The following MRPS25 variants were observed in gnomAD, a reference collection of about 807,000 sequenced individuals.
The protein encoded by MRPS25 is mitochondrial ribosomal protein S25, also known as small ribosomal subunit protein mS25.
In MRPS25, 15 loss-of-function variants were observed where a neutral mutation model predicts 17.3. That is an observed-to-expected ratio of 0.87 (90% CI 0.58 to 1.34). The LOEUF (loss-of-function observed/expected upper bound fraction) is 1.34, where lower values mean the gene tolerates loss of function less well. Ranked by LOEUF, MRPS25 falls within the 40% of genes most tolerant of loss-of-function variation. MRPS25 has a pLI of 0.00. For missense variants in MRPS25, 225 were observed against 218.6 expected (o/e 1.03, Z -0.19); for synonymous variants, 94 against 83.3 (o/e 1.13, Z -0.70).
rs2042558982 is a variant in MRPS25 at position 15,049,132 on chromosome 3, T to G, written c.*3309A>C. 2 of 152,614 alleles carry G rather than the reference T, an allele frequency of 1.3e-5. No homozygotes were observed. Among genetic ancestry groups the G allele is most frequent in the South Asian group, 4.1e-4 (2 of 4,830 alleles). 9.5% of individuals were successfully genotyped at this position (152,614 alleles called of 1,614,324 possible). ...CAGTCTTGAAGAAGAATTTGCATTG[T>G]TGTGTTTGTATATAGAGTATTGCAG... On this transcript the variant is annotated 3_prime_UTR_variant, in exon 4 of 4. Transcript: ENST00000253686.
At chr3:15,062,001 G>A (rs889026348) in intron 1 of MRPS25, among the ~76,000 whole-genome samples, 2 of 150,314 alleles carry the variant, frequency 1.3e-5, no homozygotes, top group African/African-American at 4.9e-5. Context: ...TCTGGGAAGT[G>A]AGGAGCGTCT....
At chr3:15,062,057 C>T (rs2042773053) in intron 1 of MRPS25, among the ~76,000 whole-genome samples, 1 of 149,268 alleles carries the variant, frequency 6.7e-6, no homozygotes, top group African/African-American at 2.5e-5. Context: ...GGGTCAGCCC[C>T]CGCCAGGCCA....
intron 1 of MRPS25, among the ~76,000 whole-genome samples, chr3:15,060,967 G>C (rs372431739): frequency 2.0e-4 from 30 of 152,238 alleles, no homozygotes; most frequent in African/African-American, 5.8e-4. Flanking sequence ...ACAGCACACA[G>C]ACCTGGGAGC....
rs1485844590 is a variant in MRPS25 at position 15,049,902 on chromosome 3, T to C, written c.*2539A>G. 2.6e-6 allele frequency: 4 copies of C among 1,531,202 alleles called. No individual in the cohort carries two copies. The highest frequency in any genetic ancestry group is 2.6e-6 in the Non-Finnish European group (3 of 1,144,220). The allele number at this position is 1,531,202 out of a possible 1,614,324, so 94.9% of individuals were successfully genotyped here. ...CCTGAGTAACTGGGACCACAGCAGA[T>C]GATACAGGTTTAGATGGTGCTGCCA... is the stretch of plus-strand genomic sequence containing the variant. On this transcript the variant is annotated 3_prime_UTR_variant, in exon 4 of 4. Transcript: ENST00000253686.
chr3:15,050,027 C>A lies in MRPS25; in HGVS notation c.*2414G>T. The A allele has an allele frequency of 6.9e-7, 1 of 1,458,864 alleles. No individual in the cohort carries two copies. The highest frequency in any genetic ancestry group is 8.9e-7 in the Non-Finnish European group (1 of 1,120,336). The allele number at this position is 1,458,864 out of a possible 1,614,324, so 90.4% of individuals were successfully genotyped here. A position where few individuals can be genotyped will look rare whatever the true frequency, so the allele number is the denominator to read the frequency against. ...AGAACATGTTATCAATTATAAAATC[C>A]TCACATTTTCTCTAATTAATTTTCT... is the stretch of plus-strand genomic sequence containing the variant. On this transcript the variant is annotated 3_prime_UTR_variant, in exon 4 of 4. Transcript: ENST00000253686.
At chr3:15,045,877 GCTGGCTCAGAGAGGTGGGAC>G (rs2042432297), downstream of MRPS25, 2 of 152,266 alleles carry the variant, frequency 1.3e-5, no homozygotes, top group Admixed American at 1.3e-4. Flanking sequence ...AGGAGAGGCA[GCTGGCTCAGAGAGGTGGGAC>G]AGACACATGC....
intron 2 of MRPS25, among the ~76,000 whole-genome samples, 173 bp downstream of exon 2, chr3:15,059,196 C>G (rs1490576497): frequency 6.6e-6 from 1 of 151,824 alleles, no homozygotes; most frequent in Non-Finnish European, 1.5e-5. Context: ...GGAAAGAGTC[C>G]AGACCTCAGT....
chr3:15,044,685 CCT>C (rs1264860339), downstream of MRPS25: 3 of 152,238 alleles, frequency 2.0e-5, no homozygotes, highest in Admixed American at 6.5e-5. Context: ...TGGACACTCC[CCT>C]GACTCACAGG....
At chr3:15,060,819 T>G (rs192929497) in intron 1 of MRPS25, among the ~76,000 whole-genome samples, 1 of 152,240 alleles carries the variant, frequency 6.6e-6, no homozygotes, top group Non-Finnish European at 1.5e-5. Flanking sequence ...AGGCAGAGCT[T>G]GCAGTGAGCC....
chr3:15,064,842 C>T (rs2042831835), intron 1 of MRPS25, among the ~76,000 whole-genome samples: 1 of 152,188 alleles, frequency 6.6e-6, no homozygotes, highest in African/African-American at 2.4e-5. Flanking sequence ...GGGTTCTTGT[C>T]CTCCGCCCCC....
chr3:15,063,491 G>A (rs934813987), intron 1 of MRPS25, among the ~76,000 whole-genome samples: 2 of 152,094 alleles, frequency 1.3e-5, no homozygotes, highest in Admixed American at 6.6e-5. Context: ...GGAGGACTGC[G>A]GCTAGCCAGA....
intron 1 of MRPS25, among the ~76,000 whole-genome samples, chr3:15,061,556 C>T (rs1342471948): frequency 2.6e-5 from 4 of 152,294 alleles, no homozygotes; most frequent in Admixed American, 1.3e-4. Context: ...GGCATGATCT[C>T]GGCTCGCTAT....
Position 15,050,824 on chromosome 3 carries a change from C to G in MRPS25, c.*1617G>C. 1.0e-6 allele frequency: 1 copy of G among 984,848 alleles called. No individual in the cohort carries two copies. Among genetic ancestry groups the G allele is most frequent in the Non-Finnish European group, 1.2e-6 (1 of 829,710 alleles). 61.0% of individuals were successfully genotyped at this position (984,848 alleles called of 1,614,324 possible). On this transcript the variant is annotated 3_prime_UTR_variant, in exon 4 of 4. Transcript: ENST00000253686. ...AACCCAGATCTGGTACAGAATCAAA[C>G]TTGAGCATCAAATGTAAAAGATCCA...
At chr3:15,060,707 G>A (rs1344931801) in intron 1 of MRPS25, among the ~76,000 whole-genome samples, 3 of 151,834 alleles carry the variant, frequency 2.0e-5, no homozygotes, top group African/African-American at 7.3e-5. Flanking sequence ...ACGGTGAAAT[G>A]CCGTCTCTAC....
intron 1 of MRPS25, 143 bp downstream of exon 1, chr3:15,064,918 G>A: frequency 9.2e-7 from 1 of 1,085,092 alleles, no homozygotes; most frequent in Non-Finnish European, 1.3e-6. Context: ...CTGGACCTCT[G>A]TAAAATGGGG....
In MRPS25 at chr3:15,065,103, G is replaced by T; in HGVS notation, c.92C>A (p.Thr31Lys). Residue 31 changes from threonine to lysine, a missense_variant, in exon 1 of 4, where the codon ACA becomes AAA. Physicochemically the swap from Thr to Lys is moderately conservative, Grantham distance 78. Transcript: ENST00000253686. Reference protein sequence around the residue: ...VVFKDSVKVMTVNYNTHGELG... With the variant: ...VVFKDSVKVMKVNYNTHGELG... The stretch of plus-strand genomic sequence containing the variant: ...CTCCCCATGCGTGTTGTAATTCACT[G>T]TCATGACCTTCACGGAGTCCTTGAA... 1 of 1,608,642 alleles carries T rather than the reference G, an allele frequency of 6.2e-7. No individual in the cohort carries two copies.
chr3:15,050,282 C>T lies in MRPS25; in HGVS notation c.*2159G>A. On this transcript the variant is annotated 3_prime_UTR_variant, in exon 4 of 4. Transcript: ENST00000253686. ...ACGTCCTTTCAGGGTCTGGGCTGTC[C>T]ACCTCACTGCCCATTGCTCCTGTGT... 9.0e-7 allele frequency: 1 copy of T among 1,107,786 alleles called. No individual in the cohort carries two copies. The highest frequency in any genetic ancestry group is 1.1e-6 in the Non-Finnish European group (1 of 907,702). The allele number at this position is 1,107,786 out of a possible 1,614,324, so 68.6% of individuals were successfully genotyped here. A position where few individuals can be genotyped will look rare whatever the true frequency, so the allele number is the denominator to read the frequency against.
rs1350626227 is a variant in MRPS25 at position 15,049,300 on chromosome 3, C to CATG, written c.*3138_*3140dup. ...ATGCATCCTGCTCTTCATTTTTCTT[C>CATG]ATGATAGTAGTAATGCCTGGCCCCC... is the stretch of plus-strand genomic sequence containing the variant. On this transcript the variant is annotated 3_prime_UTR_variant, in exon 4 of 4. Coordinates refer to ENST00000253686, the MANE Select transcript of MRPS25 (RefSeq NM_022497.5). The CATG allele has an allele frequency of 5.2e-5, 8 of 152,682 alleles. No homozygotes were observed. Among genetic ancestry groups the CATG allele is most frequent in the Admixed American group, 4.6e-4 (7 of 15,282 alleles). The allele number at this position is 152,682 out of a possible 1,614,324, so 9.5% of individuals were successfully genotyped here.
At chr3:15,047,486 G>T (rs2042497451), downstream of MRPS25, 1 of 152,228 alleles carries the variant, frequency 6.6e-6, no homozygotes, top group African/African-American at 2.4e-5. Context: ...GAACTTGGCA[G>T]TTGGGTTGAG....
Sources: gnomAD v4.1 joint callset for allele counts (sites outside exome capture counted in the v4.1 genomes callset) on GRCh38, gnomAD v4.1.1 for gene constraint, MANE v1.5 for transcripts, NCBI Gene and HGNC (gene_info 2026-07-23, HGNC 2026-07-21) for gene names.